The following PRKCA variants were observed in gnomAD, a reference collection of about 807,000 sequenced individuals.
PRKCA encodes protein kinase C alpha, also known as protein kinase C alpha type.
In PRKCA, 27 loss-of-function variants were observed where a neutral mutation model predicts 87.0. The ratio of observed to expected loss-of-function variants is 0.31; its 90% CI spans 0.23 to 0.43. PRKCA has a LOEUF of 0.43. Ranked by LOEUF, PRKCA falls within the 20% of genes least tolerant of loss-of-function variation. The probability of loss-of-function intolerance (pLI) is 1.00; values close to 1 mark genes in which losing one functional copy is unlikely to be tolerated. For missense variants in PRKCA, 518 were observed against 852.3 expected (o/e 0.61, Z 4.88); for synonymous variants, 329 against 311.1 (o/e 1.06, Z -0.61).
Position 66,754,505 on chromosome 17 carries a change from C to T in PRKCA, c.1524+11745C>T, listed in dbSNP as rs540009500. On this transcript the variant is annotated intron_variant, in intron 13 of 16. Transcript: ENST00000413366. ...TCTCCAGTGGTAAACGAGGGTACGA[C>T]CTAGCACGGTGCTGGCTTAAAGACT... Among the ~76,000 whole-genome samples, 9 of 152,284 alleles carry T rather than the reference C, an allele frequency of 5.9e-5. No individual in the cohort carries two copies. The South Asian group carries it at 1.7e-3, about 28-fold the overall frequency.
chr17:66,712,890 C>T (rs763159531), intron 8 of PRKCA, among the ~76,000 whole-genome samples: 30 of 152,062 alleles, frequency 2.0e-4, no homozygotes, highest in Non-Finnish European at 3.8e-4. Context: ...TAGAACAGTG[C>T]CTGGCTAGAT....
At chr17:66,456,831 C>G (rs1252809534) in intron 2 of PRKCA, among the ~76,000 whole-genome samples, 1 of 152,200 alleles carries the variant, frequency 6.6e-6, no homozygotes, top group East Asian at 1.9e-4. Context: ...GGAGCCCGTA[C>G]TAGCCTTGGA....
intron 2 of PRKCA, among the ~76,000 whole-genome samples, chr17:66,363,253 G>A (rs2143490400): frequency 6.6e-6 from 1 of 152,280 alleles, no homozygotes; most frequent in South Asian, 2.1e-4. Context: ...GTGTTTTATT[G>A]TTTTGTTATT....
intron 3 of PRKCA, among the ~76,000 whole-genome samples, chr17:66,620,942 C>G (rs1291070358): frequency 6.6e-6 from 1 of 152,158 alleles, no homozygotes; most frequent in East Asian, 1.9e-4. Context: ...ATGAAGTTGT[C>G]CCCTGGCAAT....
In PRKCA at chr17:66,805,060, GCTGACTCTAGCATCAGCCT is replaced by G. The variant is rs779368713; in HGVS notation, c.*1026_*1044del. 1.2e-5 allele frequency: 12 copies of G among 981,494 alleles called. No individual in the cohort carries two copies. The highest frequency in any genetic ancestry group is 1.5e-5 in the Non-Finnish European group (12 of 826,458). The allele number at this position is 981,494 out of a possible 1,614,324, so 60.8% of individuals were successfully genotyped here. A position where few individuals can be genotyped will look rare whatever the true frequency, so the allele number is the denominator to read the frequency against. ...CGATGTACAGTAACTTAATGGAAGTGCTGACTCTAGCATCAGCCTCTACCGATTGATTTTCCTCCCTTCT... is the reference window on the plus strand; with the variant it reads ...CGATGTACAGTAACTTAATGGAAGTGCTACCGATTGATTTTCCTCCCTTCT... On this transcript the variant is annotated 3_prime_UTR_variant, in exon 17 of 17. Transcript: ENST00000413366.
At chr17:66,685,711 C>G (rs1207844135) in intron 5 of PRKCA, among the ~76,000 whole-genome samples, 1 of 152,200 alleles carries the variant, frequency 6.6e-6, no homozygotes, top group African/African-American at 2.4e-5. Context: ...TGTCCAAAGA[C>G]CCAACATCTT....
At chr17:66,439,229 G>A (rs1471306304) in intron 2 of PRKCA, among the ~76,000 whole-genome samples, 3 of 151,522 alleles carry the variant, frequency 2.0e-5, no homozygotes, top group Non-Finnish European at 4.4e-5. Flanking sequence ...TGTCCAGGCT[G>A]GAGTGCAGTG....
At chr17:66,732,868 G>GA (rs752230811) in intron 9 of PRKCA, 43 bp downstream of exon 9, 7 of 1,590,836 alleles carry the variant, frequency 4.4e-6, no homozygotes, top group Non-Finnish European at 6.0e-6. Context: ...CTTCTGCAGA[G>GA]AATGTCGAAT....
chr17:66,311,494 G>A (rs543851021), intron 2 of PRKCA, among the ~76,000 whole-genome samples: 1 of 152,236 alleles, frequency 6.6e-6, no homozygotes, highest in Admixed American at 6.5e-5. Context: ...TGCAGCACCC[G>A]TGGTCTCAGC....
chr17:66,455,386 G>A (rs759846032), intron 2 of PRKCA, among the ~76,000 whole-genome samples: 3 of 152,060 alleles, frequency 2.0e-5, no homozygotes, highest in African/African-American at 7.2e-5. Context: ...TATAGAAGAC[G>A]GCCATTTATG....
intron 3 of PRKCA, among the ~76,000 whole-genome samples, chr17:66,497,940 G>A (rs537351106): frequency 8.5e-5 from 13 of 152,306 alleles, no homozygotes; most frequent in African/African-American, 3.1e-4. Flanking sequence ...TAGAGTGCCT[G>A]TTGTGGGCTC....
intron 5 of PRKCA, among the ~76,000 whole-genome samples, chr17:66,667,473 G>A (rs1301657960): frequency 6.6e-6 from 1 of 152,182 alleles, no homozygotes; most frequent in Non-Finnish European, 1.5e-5. Context: ...GCAGGGAAAA[G>A]CCCCTTATAA....
At chr17:66,471,845 T>C (rs1356915490) in intron 2 of PRKCA, among the ~76,000 whole-genome samples, 1 of 152,206 alleles carries the variant, frequency 6.6e-6, no homozygotes. Flanking sequence ...GAGAAGTGAC[T>C]TGCCTTCAGG....
chr17:66,312,732 CTTTTT>C (rs536411779), intron 2 of PRKCA, among the ~76,000 whole-genome samples: 1 of 106,348 alleles, frequency 9.4e-6, no homozygotes, highest in Non-Finnish European at 1.8e-5. Context: ...ATCGTAGGAC[CTTTTT>C]TTTTTTTTTT....
intron 3 of PRKCA, among the ~76,000 whole-genome samples, chr17:66,585,260 G>C (rs1430921584): frequency 1.3e-5 from 2 of 152,162 alleles, no homozygotes; most frequent in Admixed American, 6.5e-5. Context: ...TTGCACACCT[G>C]GTTGACAGAA....
At chr17:66,486,895 T>C (rs1017955082) in intron 2 of PRKCA, among the ~76,000 whole-genome samples, 1 of 152,192 alleles carries the variant, frequency 6.6e-6, no homozygotes, top group African/African-American at 2.4e-5. Context: ...CAAAGAGTTC[T>C]TTGGCAGCGT....
chr17:66,474,664 G>A (rs1915465791), intron 2 of PRKCA, among the ~76,000 whole-genome samples: 1 of 152,182 alleles, frequency 6.6e-6, no homozygotes, highest in Non-Finnish European at 1.5e-5. Context: ...TTCTTCTGAA[G>A]AATCCTTTGG....
intron 2 of PRKCA, among the ~76,000 whole-genome samples, chr17:66,371,959 T>C (rs563751375): frequency 4.6e-5 from 7 of 152,200 alleles, no homozygotes; most frequent in African/African-American, 1.7e-4. Context: ...TCTAAACAAA[T>C]GTAGAAAAGT....
At chr17:66,651,240 T>C (rs80282744) in intron 5 of PRKCA, among the ~76,000 whole-genome samples, 15,013 of 152,196 alleles carry the variant, frequency 0.099, 793 homozygotes, top group Middle Eastern at 0.18. Context: ...GTTTGTTTCT[T>C]TCCATTTTCA....
Sources: allele counts gnomAD v4.1 joint callset (sites outside exome capture counted in the v4.1 genomes callset), GRCh38; gene constraint gnomAD v4.1.1; transcripts MANE v1.5; gene names NCBI Gene and HGNC (gene_info 2026-07-23, HGNC 2026-07-21).